RNF41: variants seen among roughly 807,000 people sequenced by gnomAD.
The protein encoded by RNF41 is ring finger protein 41.
RNF41 carries 4 observed loss-of-function variants against 33.0 expected under a neutral mutation model. The observed-to-expected ratio is 0.12, with a 90% confidence interval of 0.06 to 0.28. The LOEUF (loss-of-function observed/expected upper bound fraction) is 0.28. Ranked by LOEUF, RNF41 falls within the 10% of genes least tolerant of loss-of-function variation. The probability of loss-of-function intolerance (pLI) is 1.00; values close to 1 mark genes in which losing one functional copy is unlikely to be tolerated. For missense variants in RNF41, 228 were observed against 432.6 expected (o/e 0.53, Z 4.19); for synonymous variants, 164 against 153.2 (o/e 1.07, Z -0.52).
chr12:56,211,398 T>C (rs1868465840), intron 3 of RNF41, among the ~76,000 whole-genome samples: 1 of 151,794 alleles, frequency 6.6e-6, no homozygotes, highest in Non-Finnish European at 1.5e-5. Flanking sequence ...AAATGAGTTG[T>C]GAAACAAGAC....
chr12:56,216,213 A>C (rs1565945292), intron 2 of RNF41, among the ~76,000 whole-genome samples: 1 of 152,226 alleles, frequency 6.6e-6, no homozygotes, highest in Non-Finnish European at 1.5e-5. Flanking sequence ...AACACATAAA[A>C]ACACATAAAC....
chr12:56,207,414 G>A, intron 6 of RNF41: 1 of 804,638 alleles, frequency 1.2e-6, no homozygotes. Context: ...TCTGGATAAA[G>A]TGCATCCTTG....
chr12:56,208,621 A>G (rs990188124), intron 4 of RNF41: 2 of 171,128 alleles, frequency 1.2e-5, no homozygotes, highest in African/African-American at 4.8e-5. Context: ...CTGGAGTGCG[A>G]TGGCATGATC....
rs1276539309 is a variant in RNF41, at chr12:56,205,021, C to A, written c.*1426G>T. The A allele has an allele frequency of 6.6e-6, 1 of 152,196 alleles. No individual in the cohort carries two copies. Among genetic ancestry groups the A allele is most frequent in the East Asian group, 1.9e-4 (1 of 5,198 alleles). The allele number at this position is 152,196 out of a possible 1,614,324, so 9.4% of individuals were successfully genotyped here. On this transcript the variant is annotated 3_prime_UTR_variant, in exon 7 of 7. Coordinates refer to ENST00000345093, the MANE Select transcript of RNF41 (RefSeq NM_005785.4). Reference sequence around the variant, plus strand: ...GGTAACCTGAAATGGAACTGAAGTCCCCAGGGGGGTGTGGGTGAGACACGG... The same window carrying A: ...GGTAACCTGAAATGGAACTGAAGTCACCAGGGGGGTGTGGGTGAGACACGG...
chr12:56,208,159 C>CT lies in RNF41; in HGVS notation c.498+3dup. 1 of 1,614,196 alleles carries CT rather than the reference C, an allele frequency of 6.2e-7. No individual in the cohort carries two copies. Among genetic ancestry groups the CT allele is most frequent in the Non-Finnish European group, 8.5e-7 (1 of 1,180,032 alleles). ...TATGTTCTCCCCCGTGTCTTGGGGC[C>CT]TACCTGCTCCGCCAGCTGGTGTTTG... On this transcript the variant is annotated splice_donor_region_variant and intron_variant, in intron 5 of 6. Coordinates refer to ENST00000345093, the MANE Select transcript of RNF41 (RefSeq NM_005785.4).
intron 3 of RNF41, chr12:56,213,156 G>A: frequency 7.9e-7 from 1 of 1,272,592 alleles, no homozygotes; most frequent in South Asian, 1.3e-5. Flanking sequence ...GTAGATCCCA[G>A]GAAAAAAATA....
rs922172455 is a variant in RNF41 at position 56,205,041 on chromosome 12, A to C, written c.*1406T>G. 1 of 152,286 alleles carries C rather than the reference A, an allele frequency of 6.6e-6. No homozygotes were observed. Among genetic ancestry groups the C allele is most frequent in the Non-Finnish European group, 1.5e-5 (1 of 68,072 alleles). 9.4% of individuals were successfully genotyped at this position (152,286 alleles called of 1,614,324 possible). A position where few individuals can be genotyped will look rare whatever the true frequency, so the allele number is the denominator to read the frequency against. ...AAGTCCCCAGGGGGGTGTGGGTGAG[A>C]CACGGCACAGCCTGTACTTAGAGAT... On this transcript the variant is annotated 3_prime_UTR_variant, in exon 7 of 7. Coordinates refer to ENST00000345093, the MANE Select transcript of RNF41 (RefSeq NM_005785.4).
At chr12:56,218,602 G>T (rs1323444634) in intron 1 of RNF41, among the ~76,000 whole-genome samples, 4 of 151,626 alleles carry the variant, frequency 2.6e-5, no homozygotes, top group African/African-American at 9.7e-5. Context: ...AAGTAACCCT[G>T]CTGTAGTTTT....
intron 1 of RNF41, among the ~76,000 whole-genome samples, chr12:56,218,436 T>C (rs535625625): frequency 1.3e-5 from 2 of 151,050 alleles, no homozygotes; most frequent in East Asian, 3.9e-4. Flanking sequence ...CTAATTTTTG[T>C]ATTTTTGGTA....
chr12:56,210,910 G>A (rs528597302), intron 3 of RNF41, among the ~76,000 whole-genome samples: 1 of 152,180 alleles, frequency 6.6e-6, no homozygotes, highest in Non-Finnish European at 1.5e-5. Context: ...GCATAGGCCG[G>A]GCGCAGTGGC....
At chr12:56,208,809 G>GC (rs1420985726) in intron 4 of RNF41, among the ~76,000 whole-genome samples, 3 of 150,578 alleles carry the variant, frequency 2.0e-5, no homozygotes, top group Non-Finnish European at 4.4e-5. Flanking sequence ...CACGTGATCT[G>GC]CCCCCCTCGG....
chr12:56,205,570 G>A lies in RNF41; in HGVS notation c.*877C>T, dbSNP rs901605679. On this transcript the variant is annotated 3_prime_UTR_variant, in exon 7 of 7. Coordinates refer to ENST00000345093, the MANE Select transcript of RNF41 (RefSeq NM_005785.4). ...GATCAGGCCATTCTTAAAAAAAAGA[G>A]GGGGGGGGGCAGTAGGTGGAGTTTG... 1.8e-5 allele frequency: 2 copies of A among 108,122 alleles called. No individual in the cohort carries two copies. The highest frequency in any genetic ancestry group is 4.0e-5 in the Non-Finnish European group (2 of 50,100). The allele number at this position is 108,122 out of a possible 1,614,324, so 6.7% of individuals were successfully genotyped here.
Position 56,212,999 on chromosome 12 carries a change from G to A in RNF41, c.90+959C>T, listed in dbSNP as rs541041359. ...TCACCTCACTCATTGTACTTGCCTG[G>A]TAATCGTGAGCTTCTCCTCATACTT... On this transcript the variant is annotated intron_variant, in intron 3 of 6. Coordinates refer to ENST00000345093, the MANE Select transcript of RNF41 (RefSeq NM_005785.4). The A allele has an allele frequency of 7.7e-4, 989 of 1,289,574 alleles. 2 individuals carry two copies. Among genetic ancestry groups the A allele is most frequent in the Non-Finnish European group, 9.3e-4 (920 of 988,800 alleles). 79.9% of individuals were successfully genotyped at this position (1,289,574 alleles called of 1,614,324 possible).
intron 4 of RNF41, among the ~76,000 whole-genome samples, chr12:56,209,811 C>CCAGGTTGGT (rs1868361479): frequency 6.6e-6 from 1 of 152,164 alleles, no homozygotes; most frequent in Admixed American, 6.5e-5. Flanking sequence ...GCCATGTTGG[C>CCAGGTTGGT]CAGGTTGGTC....
chr12:56,208,098 T>C (rs1010752836), intron 5 of RNF41, 65 bp downstream of exon 5: 18 of 1,597,050 alleles, frequency 1.1e-5, no homozygotes, highest in African/African-American at 2.7e-5. Context: ...CTGGTTTTTA[T>C]TACCCACAGG....
rs537983781 is a variant in RNF41 at position 56,207,218 on chromosome 12, C to T, written c.603-420G>A. ...CTCCAGAACTGAAAGAGATCTTAGACTTCACTTGTATACTTCGCTTGTTTT... is the reference window on the plus strand; with the variant it reads ...CTCCAGAACTGAAAGAGATCTTAGATTTCACTTGTATACTTCGCTTGTTTT... On this transcript the variant is annotated intron_variant, in intron 6 of 6. Transcript: ENST00000345093. The T allele has an allele frequency of 2.1e-5, 28 of 1,328,236 alleles. No individual in the cohort carries two copies. In the East Asian group the frequency reaches 6.3e-4, roughly 30 times the overall value. 82.3% of individuals were successfully genotyped at this position (1,328,236 alleles called of 1,614,324 possible). A position where few individuals can be genotyped will look rare whatever the true frequency, so the allele number is the denominator to read the frequency against.
Position 56,202,621 on chromosome 12 carries a change from C to T in RNF41, c.*3826G>A, listed in dbSNP as rs1413140944. On this transcript the variant is annotated 3_prime_UTR_variant, in exon 7 of 7. Transcript: ENST00000345093. Reference sequence around the variant, plus strand: ...TAACAAGTAACACTTCCTGAAAAGCCTTTCCTGATACCCATCAGAATCAGG... The same window carrying T: ...TAACAAGTAACACTTCCTGAAAAGCTTTTCCTGATACCCATCAGAATCAGG... 1 of 152,186 alleles carries T rather than the reference C, an allele frequency of 6.6e-6. No individual in the cohort carries two copies. The allele number at this position is 152,186 out of a possible 1,614,324, so 9.4% of individuals were successfully genotyped here.
chr12:56,206,798 C>T lies in RNF41; in HGVS notation c.603G>A (p.Glu201=). 6.2e-7 allele frequency: 1 copy of T among 1,609,200 alleles called. No individual in the cohort carries two copies. Among genetic ancestry groups the T allele is most frequent in the Non-Finnish European group, 8.5e-7 (1 of 1,176,428 alleles). Residue 201 remains glutamate (E), a splice_region_variant and synonymous_variant, in exon 7 of 7, where the codon GAG becomes GAA. Transcript: ENST00000345093. This position sits in a 1 kb window ranked among gnomAD's most constrained non-coding sequence, Gnocchi z 5.7. ...TTGCTGGCTGAAGGGAGTTCACCCACCTGTGTGGAGGTGGTTAAAGATGGT... is the reference window on the plus strand; with the variant it reads ...TTGCTGGCTGAAGGGAGTTCACCCATCTGTGTGGAGGTGGTTAAAGATGGT... ...EETIEYNEIL[E]WVNSLQPARV...
At position 56,202,756 on chromosome 12, in the gene RNF41, C is replaced by T. The variant is rs912375248; in HGVS notation, c.*3691G>A. On this transcript the variant is annotated 3_prime_UTR_variant, in exon 7 of 7. Transcript: ENST00000345093. ...GGACTAAGTTCTTTGCAGGTAGGTG[C>T]CATTTTGCTACATAAGCCTCCTCAT... 4 of 152,142 alleles carry T rather than the reference C, an allele frequency of 2.6e-5. No homozygotes were observed. Among genetic ancestry groups the T allele is most frequent in the Admixed American group, 2.6e-4 (4 of 15,254 alleles). The allele number at this position is 152,142 out of a possible 1,614,324, so 9.4% of individuals were successfully genotyped here.
Sources: gnomAD v4.1 joint callset for allele counts (sites outside exome capture counted in the v4.1 genomes callset) on GRCh38, gnomAD v4.1.1 for gene constraint, Gnocchi (gnomAD v3.1) non-coding constraint, MANE v1.5 for transcripts, NCBI Gene and HGNC (gene_info 2026-07-23, HGNC 2026-07-21) for gene names.